ZFHX3: variants seen among roughly 807,000 people sequenced by gnomAD.
ZFHX3 encodes the protein zinc finger homeobox 3, also known as zinc finger homeobox protein 3.
In ZFHX3, 42 loss-of-function variants were observed where a neutral mutation model predicts 279.1. The observed-to-expected ratio is 0.15, with a 90% confidence interval of 0.12 to 0.19. The LOEUF (loss-of-function observed/expected upper bound fraction) is 0.19, where lower values mean the gene tolerates loss of function less well. ZFHX3 is among the 10% of genes least tolerant of loss of function. The probability of loss-of-function intolerance (pLI) is 1.00; values close to 1 mark genes in which losing one functional copy is unlikely to be tolerated. For missense variants in ZFHX3, 4,981 were observed against 4,754.0 expected (o/e 1.05, Z -1.40); for synonymous variants, 2,293 against 1,957.8 (o/e 1.17, Z -4.52).
chr16:73,786,999 G>T (rs963057633), intron 1 of ZFHX3, among the ~76,000 whole-genome samples: 12 of 152,148 alleles, frequency 7.9e-5, no homozygotes, highest in African/African-American at 2.9e-4. Flanking sequence ...GTTACCATCA[G>T]TCCAGCTTCT....
At chr16:73,411,541 A>T (rs1432271608) in intron 3 of ZFHX3, among the ~76,000 whole-genome samples, 4 of 152,198 alleles carry the variant, frequency 2.6e-5, no homozygotes, top group African/African-American at 9.6e-5. Context: ...AAATATGACC[A>T]TATACAGCAA....
intron 7 of ZFHX3, among the ~76,000 whole-genome samples, chr16:72,805,482 T>A (rs72793292): frequency 0.014 from 2,137 of 152,186 alleles, 21 homozygotes; most frequent in Middle Eastern, 0.041. Flanking sequence ...AATGAAGAAA[T>A]TCAGACAAAA....
At chr16:72,789,127 A>C in intron 9 of ZFHX3, 1 of 361,116 alleles carries the variant, frequency 2.8e-6, no homozygotes, top group Non-Finnish European at 4.9e-6. Context: ...ACAACCTTGT[A>C]TTCTAATGAG....
intron 1 of ZFHX3, among the ~76,000 whole-genome samples, chr16:73,835,301 C>T (rs1310877517): frequency 4.0e-5 from 6 of 151,886 alleles, no homozygotes; most frequent in East Asian, 3.9e-4. Flanking sequence ...TTTGGGGTAG[C>T]GTGTTTTCTA....
intron 4 of ZFHX3, among the ~76,000 whole-genome samples, chr16:72,863,566 A>G (rs574409665): frequency 5.9e-5 from 9 of 152,150 alleles, no homozygotes; most frequent in Admixed American, 4.6e-4. Context: ...AGAAATAGGG[A>G]TGAAATGATA....
intron 1 of ZFHX3, among the ~76,000 whole-genome samples, chr16:72,974,618 C>T (rs1005516783): frequency 5.9e-5 from 9 of 151,492 alleles, no homozygotes; most frequent in East Asian, 1.9e-4. Flanking sequence ...CTCACCAACA[C>T]GGGCACAGCG....
intron 4 of ZFHX3, among the ~76,000 whole-genome samples, chr16:73,310,614 A>G (rs1460981572): frequency 1.3e-5 from 2 of 152,178 alleles, no homozygotes; most frequent in Admixed American, 1.3e-4. Flanking sequence ...GCTATAGTAC[A>G]TAGGACCATC....
intron 8 of ZFHX3, among the ~76,000 whole-genome samples, chr16:73,079,862 T>C (rs1018062406): frequency 2.6e-5 from 4 of 152,212 alleles, no homozygotes; most frequent in Non-Finnish European, 4.4e-5. Flanking sequence ...TTAGAGAAGA[T>C]GGTCATTATT....
chr16:73,562,654 C>CAGAGAAGGCAGAGATGAT (rs1198962508), intron 2 of ZFHX3, among the ~76,000 whole-genome samples: 1 of 148,838 alleles, frequency 6.7e-6, no homozygotes, highest in Admixed American at 6.7e-5. Context: ...CTTGTCTCAC[C>CAGAGAAGGCAGAGATGAT]AGAGAAGGCA....
intron 1 of ZFHX3, among the ~76,000 whole-genome samples, chr16:73,037,937 G>A (rs1427888780): frequency 6.6e-6 from 1 of 152,144 alleles, no homozygotes; most frequent in Non-Finnish European, 1.5e-5. Flanking sequence ...ACTGGCCCCA[G>A]GCATACGGTT....
chr16:72,978,712 C>A (rs1230576901), intron 1 of ZFHX3, among the ~76,000 whole-genome samples: 2 of 152,208 alleles, frequency 1.3e-5, no homozygotes, highest in Non-Finnish European at 2.9e-5. Flanking sequence ...TCCAGGGATG[C>A]AGAATAAACA....
chr16:73,242,888 A>G (rs1350228949), intron 5 of ZFHX3, among the ~76,000 whole-genome samples: 6 of 152,222 alleles, frequency 3.9e-5, no homozygotes, highest in Non-Finnish European at 2.9e-5. Flanking sequence ...TGGGGAAGCC[A>G]TTGCAGCAAC....
At chr16:73,807,618 CA>C (rs1252738044) in intron 1 of ZFHX3, among the ~76,000 whole-genome samples, 4 of 126,608 alleles carry the variant, frequency 3.2e-5, no homozygotes, top group African/African-American at 1.5e-4. Flanking sequence ...CACCATGCCC[CA>C]ATTTTTTTTT....
intron 1 of ZFHX3, among the ~76,000 whole-genome samples, chr16:73,886,402 T>A (rs1410947168): frequency 6.6e-6 from 1 of 152,080 alleles, no homozygotes; most frequent in African/African-American, 2.4e-5. Flanking sequence ...GCAGTTACCG[T>A]TTTTAAACAC....
chr16:73,144,703 A>T (rs1966856221), intron 5 of ZFHX3, among the ~76,000 whole-genome samples: 1 of 152,190 alleles, frequency 6.6e-6, no homozygotes. Flanking sequence ...AATAATATTC[A>T]ACCCAAGGTG....
intron 2 of ZFHX3, among the ~76,000 whole-genome samples, chr16:73,516,425 T>C (rs966015068): frequency 5.3e-5 from 8 of 152,162 alleles, no homozygotes; most frequent in Non-Finnish European, 1.2e-4. Flanking sequence ...GTACCCAAAG[T>C]TTATCCACTT....
At chr16:73,190,574 A>G (rs1035901442) in intron 5 of ZFHX3, among the ~76,000 whole-genome samples, 5 of 152,248 alleles carry the variant, frequency 3.3e-5, no homozygotes, top group Admixed American at 6.5e-5. Flanking sequence ...ACTCTATTAC[A>G]TAAGTGAAGA....
intron 1 of ZFHX3, among the ~76,000 whole-genome samples, chr16:73,800,109 A>G (rs1413486722): frequency 1.3e-5 from 2 of 152,202 alleles, no homozygotes; most frequent in African/African-American, 4.8e-5. Flanking sequence ...CTTCTATAGA[A>G]ATCATCTACA....
chr16:73,081,289 G>A (rs1432218360), intron 8 of ZFHX3: 1 of 139,874 alleles, frequency 7.1e-6, no homozygotes, highest in South Asian at 2.2e-4. Context: ...TTTTGCTCTT[G>A]TTGCCTAGGC....
Sources: allele counts gnomAD v4.1 joint callset (sites outside exome capture counted in the v4.1 genomes callset), GRCh38; gene constraint gnomAD v4.1.1; transcripts MANE v1.5; gene names NCBI Gene and HGNC (gene_info 2026-07-23, HGNC 2026-07-21).